Variants in ELMOD1 observed in about 807,000 individuals in gnomAD.
ELMOD1 encodes ELMO domain containing 1.
ELMOD1 carries 21 observed loss-of-function variants against 46.7 expected under a neutral mutation model. The ratio of observed to expected loss-of-function variants is 0.45; its 90% CI spans 0.32 to 0.65. The LOEUF is 0.65. Ranked by LOEUF, ELMOD1 falls within the 30% of genes least tolerant of loss-of-function variation. ELMOD1 has a pLI of 0.04. For missense variants in ELMOD1, 348 were observed against 407.8 expected (o/e 0.85, Z 1.26); for synonymous variants, 122 against 138.2 (o/e 0.88, Z 0.82).
chr11:107,616,250 C>T (rs1865861513), intron 1 of ELMOD1, among the ~76,000 whole-genome samples: 2 of 151,804 alleles, frequency 1.3e-5, no homozygotes, highest in South Asian at 2.1e-4. Flanking sequence ...CCTGCCTCCA[C>T]CTTCCAAAGT....
chr11:107,597,117 T>C (rs1374839067), intron 1 of ELMOD1, among the ~76,000 whole-genome samples: 1 of 152,158 alleles, frequency 6.6e-6, no homozygotes, highest in Non-Finnish European at 1.5e-5. Flanking sequence ...TATTTGACCA[T>C]GACATTTCTA....
chr11:107,629,521 A>G (rs1006064192), intron 2 of ELMOD1, among the ~76,000 whole-genome samples: 7 of 152,232 alleles, frequency 4.6e-5, no homozygotes, highest in African/African-American at 1.7e-4. Context: ...GAACCGTACC[A>G]TGAAATAGTA....
At chr11:107,651,089 A>G (rs1341198794) in intron 9 of ELMOD1, among the ~76,000 whole-genome samples, 181 bp downstream of exon 9, 1 of 152,182 alleles carries the variant, frequency 6.6e-6, no homozygotes, top group African/African-American at 2.4e-5. Context: ...ACCAGATGAG[A>G]TTGACCACTT....
chr11:107,633,299 T>A (rs1427876152), intron 5 of ELMOD1, among the ~76,000 whole-genome samples: 3 of 152,156 alleles, frequency 2.0e-5, no homozygotes, highest in Non-Finnish European at 2.9e-5. Context: ...AACAAAGAAA[T>A]AGCTTAGAGA....
At chr11:107,614,369 G>A (rs1347131832) in intron 1 of ELMOD1, among the ~76,000 whole-genome samples, 1 of 152,070 alleles carries the variant, frequency 6.6e-6, no homozygotes, top group Non-Finnish European at 1.5e-5. Context: ...TTGAGACGGA[G>A]TCTCTGTTGC....
intron 1 of ELMOD1, chr11:107,591,869 G>A (rs756863861): frequency 6.2e-6 from 3 of 483,288 alleles, no homozygotes; most frequent in Non-Finnish European, 1.3e-5. Context: ...CAGCCGGGCT[G>A]CGGGGCCGCC....
At chr11:107,618,423 C>T (rs1359554287) in intron 2 of ELMOD1, among the ~76,000 whole-genome samples, 2 of 152,126 alleles carry the variant, frequency 1.3e-5, no homozygotes, top group Non-Finnish European at 2.9e-5. Context: ...TTGTAGATGG[C>T]GAGAGAGTGT....
Position 107,630,707 on chromosome 11 carries a change from A to T in ELMOD1, c.171A>T (p.Ser57=), listed in dbSNP as rs552381590. Residue 57 remains serine (S), a synonymous_variant, in exon 4 of 12, where the codon TCA becomes TCT. Transcript: ENST00000265840. ...TTGTTGCTGCTTTCACAGAAACATC[A>T]CTGAGGGATTCTAAAAGTAAGGTAA... ...GASRTMKIET[S]LRDSKSKLLQ... 9.9e-6 allele frequency: 16 copies of T among 1,608,222 alleles called. No individual in the cohort carries two copies. The African/African-American group carries it at 2.0e-4, about 20-fold the overall frequency.
rs567716220 is a variant in ELMOD1 at position 107,664,423 on chromosome 11, T to C, written c.833-602T>C. On this transcript the variant is annotated intron_variant, in intron 11 of 11. Coordinates refer to ENST00000265840, the MANE Select transcript of ELMOD1 (RefSeq NM_018712.4). ...TGTTTCAATCCAGATCACTCGTGGA[T>C]AGCATTTTTGAGACACCAAAGGATT... Among the ~76,000 whole-genome samples, 28 of 152,326 alleles carry C rather than the reference T, an allele frequency of 1.8e-4. No homozygotes were observed. In the South Asian group the frequency reaches 4.6e-3, roughly 25 times the overall value.
chr11:107,657,148 A>G (rs1866648578), intron 11 of ELMOD1, among the ~76,000 whole-genome samples: 1 of 152,170 alleles, frequency 6.6e-6, no homozygotes, highest in Non-Finnish European at 1.5e-5. Flanking sequence ...GAAAGAGATG[A>G]CCCCGAAAAC....
intron 10 of ELMOD1, among the ~76,000 whole-genome samples, chr11:107,654,768 CAAAAAA>C (rs945140722): frequency 3.0e-5 from 2 of 66,916 alleles, no homozygotes; most frequent in African/African-American, 5.2e-5. Context: ...GACTCCGTCT[CAAAAAA>C]AAAAAAAAAA....
intron 1 of ELMOD1, among the ~76,000 whole-genome samples, chr11:107,611,789 T>C (rs991648820): frequency 2.1e-5 from 3 of 142,500 alleles, no homozygotes; most frequent in Non-Finnish European, 3.1e-5. Flanking sequence ...CCAACAAACA[T>C]GAAGAAAATG....
intron 6 of ELMOD1, 142 bp from the exon 7 acceptor site, chr11:107,647,326 G>A (rs1261517089): frequency 6.9e-6 from 4 of 581,994 alleles, no homozygotes; most frequent in Non-Finnish European, 1.1e-5. Flanking sequence ...CTCTTTCATT[G>A]TCATAGATGA....
chr11:107,630,432 A>G lies in ELMOD1; in HGVS notation c.33A>G (p.Val11=). The G allele has an allele frequency of 6.2e-7, 1 of 1,600,456 alleles. No individual in the cohort carries two copies. The highest frequency in any genetic ancestry group is 8.5e-7 in the Non-Finnish European group (1 of 1,172,816). MKHFLRMLIQ[V]CLYFYCKFLW... ...TTTTTCACAGAATGTTGATCCAGGTATGCCTGTATTTTTACTGTAAATTTC... is the reference window on the plus strand; with the variant it reads ...TTTTTCACAGAATGTTGATCCAGGTGTGCCTGTATTTTTACTGTAAATTTC... The change falls in exon 3 of 12, where the codon GTA becomes GTG. Residue 11 remains valine (V), a synonymous_variant. Transcript: ENST00000265840.
At chr11:107,647,644 G>C (rs775031150) in intron 7 of ELMOD1, 43 bp downstream of exon 7, 5 of 1,589,688 alleles carry the variant, frequency 3.1e-6, no homozygotes, top group African/African-American at 2.7e-5. Context: ...GTGATGTTTT[G>C]GTCTCCTCAT....
intron 1 of ELMOD1, among the ~76,000 whole-genome samples, chr11:107,602,106 T>A (rs1400902214): frequency 6.6e-6 from 1 of 152,234 alleles, no homozygotes; most frequent in Non-Finnish European, 1.5e-5. Context: ...CATTTTCTCC[T>A]CATGCTGAAT....
intron 3 of ELMOD1, 26 bp from the exon 4 acceptor site, chr11:107,630,674 G>GAC (rs1565380353): frequency 1.2e-6 from 2 of 1,607,090 alleles, no homozygotes; most frequent in Non-Finnish European, 1.7e-6. Flanking sequence ...ATCTTTGAAT[G>GAC]ACTGTTTTTG....
chr11:107,599,208 G>A (rs1565367899), intron 1 of ELMOD1, among the ~76,000 whole-genome samples: 1 of 152,050 alleles, frequency 6.6e-6, no homozygotes, highest in African/African-American at 2.4e-5. Context: ...ATGAAGTGTT[G>A]GGATAAGAAA....
intron 11 of ELMOD1, among the ~76,000 whole-genome samples, chr11:107,661,306 A>G (rs1866736469): frequency 6.6e-6 from 1 of 152,234 alleles, no homozygotes; most frequent in Non-Finnish European, 1.5e-5. Flanking sequence ...ATGAATCCAC[A>G]TTCTTCTGTA....
Sources: allele counts gnomAD v4.1 joint callset (sites outside exome capture counted in the v4.1 genomes callset), GRCh38; gene constraint gnomAD v4.1.1; transcripts MANE v1.5; gene names NCBI Gene and HGNC (gene_info 2026-07-23, HGNC 2026-07-21).